SCN11A: variants seen among roughly 807,000 people sequenced by gnomAD.
SCN11A encodes sodium channel protein type 11 subunit alpha.
In SCN11A, 122 loss-of-function variants were observed where a neutral mutation model predicts 162.2. The observed-to-expected ratio is 0.75, with a 90% CI of 0.65 to 0.87. The LOEUF is 0.87. Ranked by LOEUF, SCN11A falls within the 40% of genes least tolerant of loss-of-function variation. The pLI, the probability that SCN11A is intolerant of heterozygous loss-of-function variation, is 0.00. For missense variants in SCN11A, 2,015 were observed against 2,181.6 expected, an observed-to-expected ratio of 0.92 and a Z score of 1.52; for synonymous variants, 758 against 751.5, an observed-to-expected ratio of 1.01 and a Z score of -0.14.
rs372032501 is a variant in SCN11A at position 38,938,752 on chromosome 3, C to T, written c.488+6659G>A. Among the ~76,000 whole-genome samples, 10 of 150,496 alleles carry T rather than the reference C, an allele frequency of 6.6e-5. No individual in the cohort carries two copies. In the East Asian group the frequency reaches 1.2e-3, roughly 18 times the overall value. On this transcript the variant is annotated intron_variant, in intron 7 of 29. Transcript: ENST00000302328. ...GCTAATTTTGTATTCTTAGTAGAGA[C>T]GCGGTTTCTCCATGTTGGTCAGGCT...
chr3:38,970,968 G>A (rs1273438978), intron 2 of SCN11A, among the ~76,000 whole-genome samples: 2 of 152,100 alleles, frequency 1.3e-5, no homozygotes, highest in African/African-American at 2.4e-5. Context: ...TTGAAGTAGA[G>A]GCAGAGCTGC....
chr3:38,876,329 A>G (rs1016348930), intron 23 of SCN11A, among the ~76,000 whole-genome samples: 2 of 152,188 alleles, frequency 1.3e-5, no homozygotes, highest in South Asian at 2.1e-4. Flanking sequence ...AGAACCCAAA[A>G]GCAAATGCAA....
chr3:38,959,386 C>T (rs528381862), intron 3 of SCN11A, among the ~76,000 whole-genome samples: 10 of 152,306 alleles, frequency 6.6e-5, no homozygotes, highest in African/African-American at 1.9e-4. Flanking sequence ...ATTCCTCCTA[C>T]GTGCCTAGTT....
chr3:39,050,731 A>G (rs1346369086), intron 1 of SCN11A, among the ~76,000 whole-genome samples: 2 of 152,250 alleles, frequency 1.3e-5, no homozygotes, highest in Non-Finnish European at 2.9e-5. Flanking sequence ...ATTTAGCCTA[A>G]TATACCCCCA....
chr3:38,858,429 T>C (rs1043152590), intron 28 of SCN11A, among the ~76,000 whole-genome samples: 4 of 152,092 alleles, frequency 2.6e-5, no homozygotes, highest in Admixed American at 6.6e-5. Flanking sequence ...AAGAGGGACA[T>C]TATATAATGA....
chr3:39,015,083 C>T (rs764938542), intron 2 of SCN11A, among the ~76,000 whole-genome samples: 1 of 152,144 alleles, frequency 6.6e-6, no homozygotes, highest in South Asian at 2.1e-4. Flanking sequence ...AATTTAATTG[C>T]CATTGTAGCA....
intron 11 of SCN11A, 95 bp downstream of exon 11, chr3:38,919,840 A>T: frequency 1.2e-6 from 1 of 831,804 alleles, no homozygotes; most frequent in Non-Finnish European, 2.0e-6. Context: ...AACTATCATC[A>T]CTGTGTCCAC....
At chr3:38,903,474 C>T (rs188194929) in intron 16 of SCN11A, among the ~76,000 whole-genome samples, 1 of 152,268 alleles carries the variant, frequency 6.6e-6, no homozygotes, top group Non-Finnish European at 1.5e-5. Context: ...AGAATAACAC[C>T]TAGTAATAGT....
chr3:38,897,318 A>T, intron 17 of SCN11A, 93 bp from the exon 18 acceptor site: 1 of 1,246,500 alleles, frequency 8.0e-7, no homozygotes, highest in Non-Finnish European at 1.1e-6. Flanking sequence ...ATATACCCAA[A>T]CTTATGACAT....
intron 2 of SCN11A, among the ~76,000 whole-genome samples, chr3:38,988,218 C>T (rs1461874455): frequency 6.6e-6 from 1 of 152,134 alleles, no homozygotes; most frequent in Non-Finnish European, 1.5e-5. Flanking sequence ...GCCTTGATGC[C>T]TGCCCTTAAC....
At chr3:38,886,384 CCTGGAAAAACTCAACATAATATAATT>C in intron 19 of SCN11A, 146 bp from the exon 20 acceptor site, 1 of 481,156 alleles carries the variant, frequency 2.1e-6, no homozygotes, top group Non-Finnish European at 3.7e-6. Context: ...AGAAACTGCT[CCTGGAAAAACTCAACATAATATAATT>C]CTGGGAAAAC....
At position 38,894,935 on chromosome 3, in the gene SCN11A, G is replaced by T; in HGVS notation, c.2433C>A (p.Leu811=). Reference sequence around the variant, plus strand: ...TTCTTTCCTCATTGCTAAAGGAATTGAGCAGTAAGGCAATGAAGAGGTTGA... The same window carrying T: ...TTCTTTCCTCATTGCTAAAGGAATTTAGCAGTAAGGCAATGAAGAGGTTGA... ...VVLNLFIALL[L]NSFSNEERNG... is the part of the protein sequence containing the mutation. Residue 811 remains leucine (L), a synonymous_variant, in exon 19 of 30, where the codon CTC becomes CTA. Coordinates refer to ENST00000302328, the MANE Select transcript of SCN11A (RefSeq NM_001349253.2). 6.2e-7 allele frequency: 1 copy of T among 1,612,838 alleles called. No individual in the cohort carries two copies. Among genetic ancestry groups the T allele is most frequent in the South Asian group, 1.1e-5 (1 of 90,934 alleles).
intron 2 of SCN11A, among the ~76,000 whole-genome samples, chr3:38,989,556 T>C (rs899066326): frequency 1.3e-5 from 2 of 152,216 alleles, no homozygotes; most frequent in Admixed American, 6.5e-5. Context: ...AACAAAAAGA[T>C]GGTGCTTTTG....
chr3:38,936,861 GA>G (rs999509763), intron 7 of SCN11A, among the ~76,000 whole-genome samples: 31 of 151,394 alleles, frequency 2.0e-4, no homozygotes, highest in Admixed American at 9.9e-4. Context: ...CACAGAATAG[GA>G]AAAAACTACT....
At chr3:38,872,579 T>C (rs2065147317) in intron 23 of SCN11A, among the ~76,000 whole-genome samples, 2 of 152,200 alleles carry the variant, frequency 1.3e-5, no homozygotes, top group South Asian at 2.1e-4. Context: ...AATCTTGTTA[T>C]GGCAGTCAAT....
rs564616857 is a variant in SCN11A, at chr3:38,985,288, C to T, written c.-279-24865G>A. 7.3e-5 allele frequency among the ~76,000 whole-genome samples: 11 copies of T among 150,062 alleles called. 1 individual carries two copies. Among genetic ancestry groups the T allele is most frequent in the South Asian group, 2.1e-4 (1 of 4,774 alleles). On this transcript the variant is annotated intron_variant, in intron 2 of 29. Transcript: ENST00000302328. ...GACTACAGGCACCCGCCACTACGCC[C>T]GGCTAATTTTTTTTTGTATTTTTAG...
At position 38,881,680 on chromosome 3, in the gene SCN11A, A is replaced by G. The variant is rs1442379253; in HGVS notation, c.3219+1553T>C. ...TGCGTTTCTAACAAGCTTCCAGGTGATGCTGCTGCTGCTGCTGATAGACAC... is the reference window on the plus strand; with the variant it reads ...TGCGTTTCTAACAAGCTTCCAGGTGGTGCTGCTGCTGCTGCTGATAGACAC... On this transcript the variant is annotated intron_variant, in intron 22 of 29. Transcript: ENST00000302328. Among the ~76,000 whole-genome samples, 3 of 151,988 alleles carry G rather than the reference A, an allele frequency of 2.0e-5. No homozygotes were observed. The East Asian group carries it at 5.8e-4, about 29-fold the overall frequency.
chr3:38,907,367 C>T lies in SCN11A; in HGVS notation c.1473+582G>A, dbSNP rs1221445678. On this transcript the variant is annotated intron_variant, in intron 14 of 29. Coordinates refer to ENST00000302328, the MANE Select transcript of SCN11A (RefSeq NM_001349253.2). The stretch of plus-strand genomic sequence containing the variant: ...GTATATATCTATATATACACACACA[C>T]ACACACACACACACACACACACTTT... Among the ~76,000 whole-genome samples, 129 of 128,954 alleles carry T rather than the reference C, an allele frequency of 1.0e-3. 2 individuals carry two copies. Among genetic ancestry groups the T allele is most frequent in the African/African-American group, 3.8e-3 (119 of 31,140 alleles). 84.6% of individuals were successfully genotyped at this position (128,954 alleles called of 152,430 possible). A position where few individuals can be genotyped will look rare whatever the true frequency, so the allele number is the denominator to read the frequency against.
chr3:39,047,757 CA>C (rs143128617), intron 1 of SCN11A, among the ~76,000 whole-genome samples: 15,791 of 151,870 alleles, frequency 0.1, 1,048 homozygotes, highest in East Asian at 0.22. Flanking sequence ...TATAAATAGC[CA>C]ACAAATACAT....
Sources: allele counts gnomAD v4.1 joint callset (sites outside exome capture counted in the v4.1 genomes callset), GRCh38; gene constraint gnomAD v4.1.1; transcripts MANE v1.5; gene names NCBI Gene and HGNC (gene_info 2026-07-23, HGNC 2026-07-21).